The following SLC66A3 variants were observed in gnomAD, a reference collection of about 807,000 sequenced individuals.
SLC66A3 encodes the protein PQ loop repeat containing 3.
In SLC66A3, 23 loss-of-function variants were observed where a neutral mutation model predicts 25.5. The observed-to-expected ratio is 0.90, with a 90% CI of 0.65 to 1.28. SLC66A3 has a LOEUF of 1.28. Among genes scored for constraint, SLC66A3 ranks in the 50% most tolerant of loss-of-function variants. The pLI is 0.00. For synonymous variants in SLC66A3, 108 were observed against 112.6 expected (o/e 0.96, Z 0.26); for missense variants, 246 against 262.1 (o/e 0.94, Z 0.42).
In SLC66A3 at chr2:11,178,057, G is replaced by T; in HGVS notation, c.*229G>T. The T allele has an allele frequency of 4.8e-6, 2 of 419,348 alleles. No individual in the cohort carries two copies. The highest frequency in any genetic ancestry group is 4.2e-6 in the Non-Finnish European group (1 of 236,560). 26.0% of individuals were successfully genotyped at this position (419,348 alleles called of 1,614,324 possible). A position where few individuals can be genotyped will look rare whatever the true frequency, so the allele number is the denominator to read the frequency against. ...AGGTTATGGTAGTGCTCAGACATCTGCAGTGTTGAGGCCAGTCACTGTTGG... is the reference window on the plus strand; with the variant it reads ...AGGTTATGGTAGTGCTCAGACATCTTCAGTGTTGAGGCCAGTCACTGTTGG... On this transcript the variant is annotated 3_prime_UTR_variant, in exon 7 of 7. Transcript: ENST00000295083.
At chr2:11,164,091 C>A in intron 3 of SLC66A3, 113 bp from the exon 4 acceptor site, 1 of 627,094 alleles carries the variant, frequency 1.6e-6, no homozygotes. Context: ...TCCTCCCCTC[C>A]CACCCACCTG....
intron 4 of SLC66A3, 26 bp downstream of exon 4, chr2:11,164,287 T>G (rs1428576756): frequency 2.3e-6 from 3 of 1,293,232 alleles, no homozygotes; most frequent in Middle Eastern, 1.9e-4. Flanking sequence ...GAAAAGAAAG[T>G]AGGAGGAATA....
chr2:11,165,673 G>T (rs185736606), intron 4 of SLC66A3, among the ~76,000 whole-genome samples: 2 of 152,202 alleles, frequency 1.3e-5, no homozygotes, highest in African/African-American at 2.4e-5. Context: ...GCGGCTGGGA[G>T]GTGCAGGTTG....
At position 11,178,094 on chromosome 2, in the gene SLC66A3, GA is replaced by G; in HGVS notation, c.*268del. ...CCAGTCACTGTTGGAAGTCATCCAA[GA>G]AGCCCATTTTGAGGCCATTTTGAGC... On this transcript the variant is annotated 3_prime_UTR_variant, in exon 7 of 7. Transcript: ENST00000295083. The G allele has an allele frequency of 3.3e-6, 1 of 299,006 alleles. No individual in the cohort carries two copies. Among genetic ancestry groups the G allele is most frequent in the Non-Finnish European group, 6.1e-6 (1 of 165,066 alleles). The allele number at this position is 299,006 out of a possible 1,614,324, so 18.5% of individuals were successfully genotyped here. A position where few individuals can be genotyped will look rare whatever the true frequency, so the allele number is the denominator to read the frequency against.
intron 4 of SLC66A3, among the ~76,000 whole-genome samples, chr2:11,168,261 G>C (rs940631137): frequency 6.6e-6 from 1 of 151,612 alleles, no homozygotes; most frequent in Admixed American, 6.6e-5. Context: ...CTCCAGCCTG[G>C]GTGACAGCAA....
rs186189711 is a variant in SLC66A3 at position 11,177,686 on chromosome 2, T to G, written c.518-51T>G. 1.5e-5 allele frequency: 18 copies of G among 1,169,812 alleles called. 1 individual carries two copies. The highest frequency in any genetic ancestry group is 1.4e-4 in the African/African-American group (9 of 65,722). The allele number at this position is 1,169,812 out of a possible 1,614,324, so 72.5% of individuals were successfully genotyped here. A position where few individuals can be genotyped will look rare whatever the true frequency, so the allele number is the denominator to read the frequency against. ...CTTATACTTTGAGCAGGAGGTGGTT[T>G]TGGTCTGTATTGTAAAGACAGTTTT... On this transcript the variant is annotated intron_variant, in intron 6 of 6. Transcript: ENST00000295083.
At chr2:11,172,854 A>G in intron 5 of SLC66A3, 1 of 287,764 alleles carries the variant, frequency 3.5e-6, no homozygotes, top group South Asian at 2.7e-5. Flanking sequence ...CACCTGGCTA[A>G]TTTTTAATTA....
intron 4 of SLC66A3, among the ~76,000 whole-genome samples, chr2:11,168,431 C>T (rs914691480): frequency 1.3e-4 from 20 of 152,260 alleles, no homozygotes; most frequent in African/African-American, 4.8e-4. Context: ...CCCAAACCAA[C>T]ACTACTTCAG....
chr2:11,170,927 A>G (rs926344649), intron 4 of SLC66A3, among the ~76,000 whole-genome samples: 2 of 151,824 alleles, frequency 1.3e-5, no homozygotes, highest in Non-Finnish European at 2.9e-5. Flanking sequence ...TAGATAGATG[A>G]ACCTCTGTGG....
intron 3 of SLC66A3, among the ~76,000 whole-genome samples, chr2:11,163,675 G>T (rs1662204611): frequency 6.6e-6 from 1 of 152,152 alleles, no homozygotes; most frequent in Non-Finnish European, 1.5e-5. Context: ...CAGCTCCCTA[G>T]CTGGCCTCTA....
At chr2:11,157,429 C>T (rs907029732) in intron 1 of SLC66A3, among the ~76,000 whole-genome samples, 1 of 152,252 alleles carries the variant, frequency 6.6e-6, no homozygotes, top group Non-Finnish European at 1.5e-5. Context: ...GTAAAATGGG[C>T]TTGGCTGTGT....
At chr2:11,167,085 C>T (rs1484861267) in intron 4 of SLC66A3, among the ~76,000 whole-genome samples, 2 of 152,148 alleles carry the variant, frequency 1.3e-5, no homozygotes, top group Non-Finnish European at 2.9e-5. Flanking sequence ...TTCTATTAGC[C>T]CCCATACAGC....
At chr2:11,168,312 T>A (rs1177454418) in intron 4 of SLC66A3, among the ~76,000 whole-genome samples, 1 of 151,238 alleles carries the variant, frequency 6.6e-6, no homozygotes, top group East Asian at 1.9e-4. Flanking sequence ...CCGTGACAGC[T>A]AAGCATCCCT....
At chr2:11,157,556 C>A (rs1206907703) in intron 1 of SLC66A3, among the ~76,000 whole-genome samples, 1 of 152,214 alleles carries the variant, frequency 6.6e-6, no homozygotes, top group African/African-American at 2.4e-5. Context: ...CCCCCGGGCC[C>A]CTGACCAGAT....
chr2:11,161,090 T>A (rs564977393), intron 3 of SLC66A3, among the ~76,000 whole-genome samples: 1 of 152,258 alleles, frequency 6.6e-6, no homozygotes, highest in Admixed American at 6.5e-5. Flanking sequence ...GGCTAAACCT[T>A]GAGGTCTGAG....
At chr2:11,160,844 G>C (rs891304209) in intron 3 of SLC66A3, 150 bp downstream of exon 3, 140 of 1,282,836 alleles carry the variant, frequency 1.1e-4, no homozygotes, top group Middle Eastern at 4.3e-4. Flanking sequence ...ACGTGTCCAT[G>C]TACACCAGAG....
At chr2:11,172,800 A>C (rs1361681873) in intron 5 of SLC66A3, 1 of 421,726 alleles carries the variant, frequency 2.4e-6, no homozygotes, top group Non-Finnish European at 4.8e-6. Context: ...ATCTTCACTC[A>C]CTGCGGGTTT....
chr2:11,156,200 G>C (rs138521026), intron 1 of SLC66A3, among the ~76,000 whole-genome samples: 1 of 152,146 alleles, frequency 6.6e-6, no homozygotes, highest in East Asian at 1.9e-4. Context: ...CTTGGGAGAG[G>C]GTCTTAAGAC....
chr2:11,164,253 C>G lies in SLC66A3; in HGVS notation c.346C>G (p.Leu116Val). 6.4e-7 allele frequency: 1 copy of G among 1,559,520 alleles called. No homozygotes were observed. The highest frequency in any genetic ancestry group is 2.5e-5 in the East Asian group (1 of 40,238). Residue 116 changes from leucine to valine, a missense_variant, in exon 4 of 7, where the codon CTG (leucine) becomes GTG (valine). Transcript: ENST00000295083. The part of the protein sequence containing the change: ...ILALQKWIID[L>V]AMNLCTFISA... ...TGCCCTGCAGAAGTGGATCATAGACCTGGCCATGGTAAGTATTATGCTTGA... is the reference window on the plus strand; with the variant it reads ...TGCCCTGCAGAAGTGGATCATAGACGTGGCCATGGTAAGTATTATGCTTGA...
Sources: gnomAD v4.1 joint callset for allele counts (sites outside exome capture counted in the v4.1 genomes callset) on GRCh38, gnomAD v4.1.1 for gene constraint, MANE v1.5 for transcripts, NCBI Gene and HGNC (gene_info 2026-07-23, HGNC 2026-07-21) for gene names.